Variants in EXT2 observed in about 807,000 individuals in gnomAD.
EXT2 encodes exostosin glycosyltransferase 2, also known as exostosin-2.
Under a neutral mutation model 81.6 loss-of-function variants are expected in EXT2, and 53 were observed. That is an observed-to-expected ratio of 0.65 (90% confidence interval 0.52 to 0.82). The LOEUF is 0.82. EXT2 is among the 40% of genes least tolerant of loss of function. EXT2 has a pLI of 0.00. For synonymous variants in EXT2, 320 were observed against 340.0 expected (o/e 0.94, Z 0.65); for missense variants, 774 against 910.2 (o/e 0.85, Z 1.93).
chr11:44,170,458 A>G (rs1316733294), intron 7 of EXT2, among the ~76,000 whole-genome samples: 2 of 152,192 alleles, frequency 1.3e-5, no homozygotes, highest in African/African-American at 2.4e-5. Flanking sequence ...AGGAAATAAT[A>G]AAATCAGAAC....
chr11:44,172,938 C>G (rs1347333891), intron 8 of EXT2, among the ~76,000 whole-genome samples: 1 of 152,176 alleles, frequency 6.6e-6, no homozygotes. Flanking sequence ...ATAGGACCAT[C>G]CTTTTCTCTT....
intron 10 of EXT2, among the ~76,000 whole-genome samples, chr11:44,224,212 A>G (rs1955814527): frequency 6.6e-6 from 1 of 152,220 alleles, no homozygotes; most frequent in Admixed American, 6.5e-5. Context: ...TGCATAATGA[A>G]TTAATAAAAT....
At chr11:44,138,574 A>C (rs1360612835) in intron 7 of EXT2, among the ~76,000 whole-genome samples, 1 of 152,042 alleles carries the variant, frequency 6.6e-6, no homozygotes, top group Non-Finnish European at 1.5e-5. Context: ...ATATAATAGG[A>C]AACTATTAGA....
intron 3 of EXT2, 113 bp downstream of exon 3, chr11:44,109,396 T>A: frequency 2.0e-6 from 2 of 986,262 alleles, no homozygotes; most frequent in Non-Finnish European, 3.2e-6. Context: ...TTTATTAAAC[T>A]AGAAAATTGT....
intron 8 of EXT2, among the ~76,000 whole-genome samples, chr11:44,192,496 A>G (rs940502214): frequency 2.6e-5 from 4 of 152,182 alleles, no homozygotes; most frequent in African/African-American, 9.7e-5. Context: ...AATGAGTACC[A>G]GAAATAAAGC....
chr11:44,189,507 A>G (rs1179175779), intron 8 of EXT2, among the ~76,000 whole-genome samples: 1 of 152,214 alleles, frequency 6.6e-6, no homozygotes, highest in African/African-American at 2.4e-5. Context: ...GAAACTTACA[A>G]TCATGGCGGA....
At chr11:44,184,322 A>G (rs185430399) in intron 8 of EXT2, among the ~76,000 whole-genome samples, 9 of 152,346 alleles carry the variant, frequency 5.9e-5, no homozygotes, top group East Asian at 1.9e-4. Context: ...TTCCCATGTT[A>G]TAGAGCATTC....
At chr11:44,190,261 G>A (rs1955374370) in intron 8 of EXT2, among the ~76,000 whole-genome samples, 1 of 152,172 alleles carries the variant, frequency 6.6e-6, no homozygotes, top group Non-Finnish European at 1.5e-5. Flanking sequence ...AACACATCAT[G>A]CATAATTGGA....
intron 7 of EXT2, among the ~76,000 whole-genome samples, chr11:44,138,572 G>A (rs1954603071): frequency 6.6e-6 from 1 of 151,828 alleles, no homozygotes; most frequent in South Asian, 2.1e-4. Context: ...AAATATAATA[G>A]GAAACTATTA....
At chr11:44,114,339 G>T in intron 4 of EXT2, 38 bp downstream of exon 4, 2 of 1,557,090 alleles carry the variant, frequency 1.3e-6, no homozygotes, top group South Asian at 1.1e-5. Flanking sequence ...TGCCTTTACT[G>T]AATCTGTGAG....
rs1471777417 is a variant in EXT2, at chr11:44,244,637, A to T, written c.*350A>T. The T allele has an allele frequency of 2.5e-6, 1 of 404,800 alleles. No individual in the cohort carries two copies. Among genetic ancestry groups the T allele is most frequent in the Non-Finnish European group, 4.6e-6 (1 of 216,302 alleles). The allele number at this position is 404,800 out of a possible 1,614,324, so 25.1% of individuals were successfully genotyped here. On this transcript the variant is annotated 3_prime_UTR_variant, in exon 14 of 14. Transcript: ENST00000533608. Reference sequence around the variant, plus strand: ...GGAAGGAAACTTCACGGACAGGAAGACTGCTGGAGAAGAGAAGCGTGTTAG... The same window carrying T: ...GGAAGGAAACTTCACGGACAGGAAGTCTGCTGGAGAAGAGAAGCGTGTTAG...
At chr11:44,241,725 A>G (rs1956039557) in intron 13 of EXT2, among the ~76,000 whole-genome samples, 1 of 152,190 alleles carries the variant, frequency 6.6e-6, no homozygotes, top group Non-Finnish European at 1.5e-5. Context: ...ACTTGATTGG[A>G]AAACCAACAC....
chr11:44,215,866 T>C (rs1340701223), intron 10 of EXT2, among the ~76,000 whole-genome samples: 2 of 55,674 alleles, frequency 3.6e-5, no homozygotes, highest in African/African-American at 1.3e-4. Context: ...CATTTGGGAA[T>C]TTTTTTTTTT....
At chr11:44,236,176 TGC>T in intron 12 of EXT2, 115 bp from the exon 13 acceptor site, 1 of 831,422 alleles carries the variant, frequency 1.2e-6, no homozygotes. Flanking sequence ...TGTGTGTGTG[TGC>T]ACGCGCATGC....
chr11:44,221,338 C>T (rs534893813), intron 10 of EXT2, among the ~76,000 whole-genome samples: 1 of 152,226 alleles, frequency 6.6e-6, no homozygotes, highest in East Asian at 1.9e-4. Flanking sequence ...CACCTGGTTT[C>T]GTATCTCTGC....
Position 44,249,141 on chromosome 11 carries a change from C to T in EXT2, c.*4854C>T, listed in dbSNP as rs1016680034. On this transcript the variant is annotated 3_prime_UTR_variant, in exon 14 of 14. Coordinates refer to ENST00000533608, the MANE Select transcript of EXT2 (RefSeq NM_207122.2). ...CCTTCCAAGTAGCTGAGACTAAAAG[C>T]GTGCACCACCACACCTGGCTGATCT... is the stretch of plus-strand genomic sequence containing the variant. 2.0e-5 allele frequency among the ~76,000 whole-genome samples: 3 copies of T among 152,050 alleles called. No individual in the cohort carries two copies. The highest frequency in any genetic ancestry group is 4.4e-5 in the Non-Finnish European group (3 of 68,018).
chr11:44,138,358 CAAGT>C (rs771825526), intron 7 of EXT2, among the ~76,000 whole-genome samples: 1 of 152,292 alleles, frequency 6.6e-6, no homozygotes, highest in East Asian at 1.9e-4. Context: ...TTACAAGTGA[CAAGT>C]AAGCCCTAGA....
intron 8 of EXT2, among the ~76,000 whole-genome samples, chr11:44,195,108 A>G (rs1362189959): frequency 1.3e-5 from 2 of 152,160 alleles, no homozygotes; most frequent in Admixed American, 6.5e-5. Context: ...TCAAAGTGTG[A>G]TGTCATGGAA....
chr11:44,173,455 G>GT (rs1399045506), intron 8 of EXT2, among the ~76,000 whole-genome samples: 1 of 149,132 alleles, frequency 6.7e-6, no homozygotes, highest in African/African-American at 2.5e-5. Context: ...GTCTCCTTCA[G>GT]TTTTTTAGGA....
Sources: gnomAD v4.1 joint callset for allele counts (sites outside exome capture counted in the v4.1 genomes callset) on GRCh38, gnomAD v4.1.1 for gene constraint, MANE v1.5 for transcripts, NCBI Gene and HGNC (gene_info 2026-07-23, HGNC 2026-07-21) for gene names.